Variants in CHD4 observed in about 807,000 individuals in gnomAD.
CHD4 encodes chromodomain helicase DNA binding protein 4, also known as ATP-dependent chromatin remodeler CHD4.
Under a neutral mutation model 235.5 loss-of-function variants are expected in CHD4, and 35 were observed. The ratio of observed to expected loss-of-function variants is 0.15; its 90% CI spans 0.11 to 0.20. CHD4 has a LOEUF of 0.20. Ranked by LOEUF, CHD4 falls within the 10% of genes least tolerant of loss-of-function variation. The probability of loss-of-function intolerance (pLI) is 1.00; values close to 1 mark genes in which losing one functional copy is unlikely to be tolerated. For missense variants in CHD4, 1,329 were observed against 2,432.3 expected (o/e 0.55, Z 9.54); for synonymous variants, 900 against 850.2 (o/e 1.06, Z -1.02).
intron 7 of CHD4, 86 bp from the exon 8 acceptor site, chr12:6,600,755 GAC>G (rs1287034116): frequency 1.3e-6 from 2 of 1,551,884 alleles, no homozygotes; most frequent in East Asian, 4.5e-5. Context: ...TCTCACTGGG[GAC>G]ACCAGAATCC....
chr12:6,596,342 T>C (rs1419461761), intron 12 of CHD4, among the ~76,000 whole-genome samples: 1 of 152,190 alleles, frequency 6.6e-6, no homozygotes, highest in African/African-American at 2.4e-5. Context: ...CAGAATTCAG[T>C]CAGTTAATAA....
chr12:6,592,497 G>A lies in CHD4; in HGVS notation c.2844C>T (p.Asp948=), dbSNP rs1356743326. ...AKEDQIKKLH[D]MLGPHMLRRL... ...GCCGCAACATGTGCGGCCCCAGCAT[G>A]TCATGCAGTTTTTTTATCTGGTCCT... The change falls in exon 19 of 40, where the codon GAC becomes GAT. Residue 948 remains aspartate (D), a synonymous_variant. Transcript: ENST00000544040. 1 of 1,611,732 alleles carries A rather than the reference G, an allele frequency of 6.2e-7. No homozygotes were observed. Among genetic ancestry groups the A allele is most frequent in the South Asian group, 1.1e-5 (1 of 91,036 alleles).
At chr12:6,580,704 G>GA (rs57266458) in intron 33 of CHD4, 1,019 of 43,092 alleles carry the variant, frequency 0.024, 11 homozygotes, top group African/African-American at 0.038. Context: ...AAACTCCTTT[G>GA]AAAAAAAAAA....
rs996040591 is a variant in CHD4 at position 6,596,008 on chromosome 12, G to A, written c.2022C>T (p.His674=). 1.2e-6 allele frequency: 2 copies of A among 1,609,652 alleles called. No individual in the cohort carries two copies. Among genetic ancestry groups the A allele is most frequent in the Non-Finnish European group, 1.7e-6 (2 of 1,178,626 alleles). The change falls in exon 13 of 40, where the codon CAC becomes CAT. Residue 674 remains histidine, a splice_region_variant and synonymous_variant. Coordinates refer to ENST00000544040, the MANE Select transcript of CHD4 (RefSeq NM_001273.5). ...ATGCCTCACCCAAAATCACTCACCTGTGATTCCAATAGCTCTGCTTGAACA... is the reference window on the plus strand; with the variant it reads ...ATGCCTCACCCAAAATCACTCACCTATGATTCCAATAGCTCTGCTTGAACA... The part of the protein sequence containing the change: ...YDLFKQSYWN[H]RELMRGEEGR...
rs761412156 is a variant in CHD4, at chr12:6,573,200, G to C, written c.5431C>G (p.Pro1811Ala). ...RAAYLNMSED[P>A]SHPSMALNTR... ...TTGAGGGCCATGGAAGGGTGAGAAGGGTCTTCTGACATGTTCAAGTAAGCA... is the reference window on the plus strand; with the variant it reads ...TTGAGGGCCATGGAAGGGTGAGAAGCGTCTTCTGACATGTTCAAGTAAGCA... Residue 1811 changes from proline to alanine, a missense_variant, in exon 38 of 40, where the codon CCT becomes GCT. Transcript: ENST00000544040. 7 of 1,605,294 alleles carry C rather than the reference G, an allele frequency of 4.4e-6. No homozygotes were observed. The highest frequency in any genetic ancestry group is 5.1e-6 in the Non-Finnish European group (6 of 1,177,012).
chr12:6,588,517 C>T, intron 22 of CHD4, 95 bp from the exon 23 acceptor site: 1 of 1,391,488 alleles, frequency 7.2e-7, no homozygotes, highest in Non-Finnish European at 9.8e-7. Flanking sequence ...GTGGCTCATG[C>T]CTGTAATCTC....
intron 39 of CHD4, 22 bp downstream of exon 39, chr12:6,570,847 G>A (rs964113986): frequency 1.5e-5 from 24 of 1,613,754 alleles, no homozygotes; most frequent in Non-Finnish European, 1.8e-5. Flanking sequence ...AAGAGGTGGT[G>A]TCAAGAAGAA....
At chr12:6,573,918 A>T (rs1044801223) in intron 37 of CHD4, among the ~76,000 whole-genome samples, 18 of 94,282 alleles carry the variant, frequency 1.9e-4, no homozygotes, top group African/African-American at 1.4e-3. Flanking sequence ...CAGCTACTCA[A>T]GAGGTTGAGG....
Position 6,602,451 on chromosome 12 carries a change from T to C in CHD4, c.147A>G (p.Pro49=), listed in dbSNP as rs977348655. ...TAGGCTTTTTCTTCTTCTTGAGCTT[T>C]GGAGTCTCTGTTTCTGACAAATCCT... ...PEEDLSETET[P]KLKKKKKPKK... is the part of the protein sequence containing the mutation. The change falls in exon 3 of 40, where the codon CCA becomes CCG. Residue 49 remains proline, a synonymous_variant. Coordinates refer to ENST00000544040, the MANE Select transcript of CHD4 (RefSeq NM_001273.5). The C allele has an allele frequency of 6.2e-7, 1 of 1,614,158 alleles. No individual in the cohort carries two copies. The highest frequency in any genetic ancestry group is 8.5e-7 in the Non-Finnish European group (1 of 1,180,030).
At chr12:6,587,187 A>G in intron 25 of CHD4, 197 bp downstream of exon 25, 1 of 586,972 alleles carries the variant, frequency 1.7e-6, no homozygotes, top group East Asian at 2.9e-5. Context: ...TTTGGTTGTA[A>G]GTTTTCTGAC....
chr12:6,602,514 A>T lies in CHD4; in HGVS notation c.101-17T>A, dbSNP rs1948615548. On this transcript the variant is annotated splice_polypyrimidine_tract_variant and intron_variant, in intron 2 of 39. Coordinates refer to ENST00000544040, the MANE Select transcript of CHD4 (RefSeq NM_001273.5). Reference sequence around the variant, plus strand: ...CTTCATTTTCTACATATATTTGGCAAAGAGTGGTAGGCAGGGAAAAGATCA... The same window carrying T: ...CTTCATTTTCTACATATATTTGGCATAGAGTGGTAGGCAGGGAAAAGATCA... 1 of 1,610,334 alleles carries T rather than the reference A, an allele frequency of 6.2e-7. No individual in the cohort carries two copies. Among genetic ancestry groups the T allele is most frequent in the Non-Finnish European group, 8.5e-7 (1 of 1,179,214 alleles).
intron 37 of CHD4, among the ~76,000 whole-genome samples, chr12:6,576,926 A>T (rs1948081196): frequency 2.0e-5 from 3 of 149,216 alleles, no homozygotes; most frequent in Non-Finnish European, 1.5e-5. Flanking sequence ...TCAGCGTACG[A>T]GACAACAGAC....
chr12:6,600,490 A>C (rs1592281551), intron 8 of CHD4, 44 bp downstream of exon 8: 3 of 1,589,274 alleles, frequency 1.9e-6, no homozygotes, highest in East Asian at 2.3e-5. Context: ...TTCCCCAATC[A>C]CTCCCACCTC....
At chr12:6,592,332 G>T in intron 19 of CHD4, 61 bp downstream of exon 19, 1 of 1,521,640 alleles carries the variant, frequency 6.6e-7, no homozygotes. Context: ...GGAGGAATAG[G>T]AAACACTCTG....
intron 2 of CHD4, among the ~76,000 whole-genome samples, chr12:6,604,510 G>T (rs1487760955): frequency 6.6e-6 from 1 of 151,944 alleles, no homozygotes; most frequent in Non-Finnish European, 1.5e-5. Context: ...CATCAGCCTG[G>T]ATTTCACCAG....
intron 15 of CHD4, among the ~76,000 whole-genome samples, chr12:6,594,098 G>A (rs1392973008): frequency 2.6e-5 from 4 of 152,252 alleles, no homozygotes; most frequent in Admixed American, 1.3e-4. Context: ...GGCTTCCAAA[G>A]TGCTGGGATT....
At chr12:6,576,605 CTTTCT>C (rs537163706) in intron 37 of CHD4, among the ~76,000 whole-genome samples, 19 of 152,074 alleles carry the variant, frequency 1.2e-4, no homozygotes, top group Admixed American at 3.9e-4. Flanking sequence ...TCTCTGAGAA[CTTTCT>C]TTTCTTGTCT....
In CHD4 at chr12:6,594,293, T is replaced by C. The variant is rs772975636; in HGVS notation, c.2313+166A>G. ...ATGTGTTTATCCACTATCACATTTA[T>C]CTACTATCTACTAAACACATGTGTA... On this transcript the variant is annotated intron_variant, in intron 15 of 39. Transcript: ENST00000544040. 2.0e-4 allele frequency among the ~76,000 whole-genome samples: 30 copies of C among 152,326 alleles called. 1 individual carries two copies. Among genetic ancestry groups the C allele is most frequent in the South Asian group, 6.2e-4 (3 of 4,828 alleles).
rs184861104 is a variant in CHD4 at position 6,592,613 on chromosome 12, G to T, written c.2775-47C>A. 166 of 1,582,138 alleles carry T rather than the reference G, an allele frequency of 1.0e-4. No individual in the cohort carries two copies. In the East Asian group the frequency reaches 3.7e-3, roughly 35 times the overall value. The stretch of plus-strand genomic sequence containing the variant: ...AAGTTATTGGAGAAGGAGAAAGGAA[G>T]AAAGAAAAGTGATACAGGAAATGGG... On this transcript the variant is annotated intron_variant, in intron 18 of 39. Transcript: ENST00000544040.
Sources: allele counts gnomAD v4.1 joint callset (sites outside exome capture counted in the v4.1 genomes callset), GRCh38; gene constraint gnomAD v4.1.1; transcripts MANE v1.5; gene names NCBI Gene and HGNC (gene_info 2026-07-23, HGNC 2026-07-21).